Variants in CD36 observed in about 807,000 individuals in gnomAD.
CD36 encodes the protein CD36 molecule (CD36 blood group).
In CD36, 119 loss-of-function variants were observed where a neutral mutation model predicts 55.2. That is an observed-to-expected ratio of 2.15 (90% CI 1.86 to 2.51). CD36 has a LOEUF of 2.51. CD36 is among the 30% of genes most tolerant of loss of function. The pLI is 0.00. For synonymous variants in CD36, 186 were observed against 193.6 expected, an observed-to-expected ratio of 0.96 and a Z score of 0.33; for missense variants, 819 against 555.5, an observed-to-expected ratio of 1.47 and a Z score of -4.77.
chr7:80,658,876 T>C (rs1037820111), intron 4 of CD36, among the ~76,000 whole-genome samples: 1 of 152,214 alleles, frequency 6.6e-6, no homozygotes, highest in Non-Finnish European at 1.5e-5. Flanking sequence ...AGTTGACAGC[T>C]GATCTATATT....
intron 1 of CD36, among the ~76,000 whole-genome samples, chr7:80,645,737 T>A (rs142167277): frequency 6.6e-6 from 1 of 152,260 alleles, no homozygotes; most frequent in East Asian, 1.9e-4. Flanking sequence ...ATGAATCAAC[T>A]GCAAATGACA....
chr7:80,663,543 C>A (rs1219997602), intron 6 of CD36, among the ~76,000 whole-genome samples: 1 of 152,036 alleles, frequency 6.6e-6, no homozygotes, highest in Non-Finnish European at 1.5e-5. Context: ...TAAATATACT[C>A]CTCATTCCTC....
intron 1 of CD36, among the ~76,000 whole-genome samples, chr7:80,620,340 G>A (rs2115890649): frequency 6.6e-6 from 1 of 152,226 alleles, no homozygotes; most frequent in East Asian, 1.9e-4. Flanking sequence ...CAGGACTACC[G>A]ACAAGCTTCA....
intron 14 of CD36, among the ~76,000 whole-genome samples, chr7:80,674,693 C>G (rs1562830013): frequency 6.6e-6 from 1 of 152,048 alleles, no homozygotes; most frequent in African/African-American, 2.4e-5. Flanking sequence ...TCCATGCACT[C>G]TTAAAGATGA....
At position 80,666,427 on chromosome 7, in the gene CD36, CT is replaced by C; in HGVS notation, c.702-11del. ...TTAAATAAGAATGTTTATTCATTGT[CT>C]TTTTCTATTCCTAGGAATCTGTCCT... On this transcript the variant is annotated splice_polypyrimidine_tract_variant and intron_variant, in intron 7 of 14. Transcript: ENST00000447544. 1 of 1,550,580 alleles carries C rather than the reference CT, an allele frequency of 6.4e-7. No individual in the cohort carries two copies. Among genetic ancestry groups the C allele is most frequent in the Non-Finnish European group, 8.9e-7 (1 of 1,123,224 alleles).
At position 80,664,453 on chromosome 7, in the gene CD36, TAACATAAGTA is replaced by T. The variant is rs778808650; in HGVS notation, c.660_669del (p.Asn220LysfsTer4). 3.3e-5 allele frequency: 52 copies of T among 1,583,102 alleles called. 1 individual carries two copies. In the Middle Eastern group the frequency reaches 1.7e-3, roughly 51 times the overall value. On this transcript the variant is annotated frameshift_variant, in exon 7 of 15. Transcript: ENST00000447544. LOFTEE classifies it high-confidence loss of function. Reference sequence around the variant, plus strand: ...TTTATAAAGTTTTCAATGGAAAAGATAACATAAGTAAAGTTGCCATAATCGACACATATAA... The same window carrying T: ...TTTATAAAGTTTTCAATGGAAAAGATAAGTTGCCATAATCGACACATATAA...
At chr7:80,666,885 CA>C (rs1362610889) in intron 8 of CD36, among the ~76,000 whole-genome samples, 1 of 151,928 alleles carries the variant, frequency 6.6e-6, no homozygotes, top group African/African-American at 2.4e-5. Flanking sequence ...AAATAGAAAA[CA>C]TATCTAAGCA....
intron 1 of CD36, among the ~76,000 whole-genome samples, chr7:80,645,315 C>T (rs182888019): frequency 1.1e-4 from 17 of 151,226 alleles, no homozygotes; most frequent in East Asian, 4.1e-4. Context: ...CCACCACGCC[C>T]GGCTCTCCCA....
At chr7:80,627,563 G>A (rs1188285657) in intron 1 of CD36, among the ~76,000 whole-genome samples, 3 of 151,516 alleles carry the variant, frequency 2.0e-5, no homozygotes, top group Non-Finnish European at 2.9e-5. Flanking sequence ...CTCTTATCAA[G>A]GGATCATGTG....
Position 80,629,192 on chromosome 7 carries a change from C to T in CD36, c.-183-16896C>T, listed in dbSNP as rs1035479718. 2.0e-5 allele frequency among the ~76,000 whole-genome samples: 3 copies of T among 152,012 alleles called. No homozygotes were observed. The East Asian group carries it at 5.8e-4, about 29-fold the overall frequency. On this transcript the variant is annotated intron_variant, in intron 1 of 13. Coordinates refer to the CD36 transcript ENST00000309881. ...CAGGTGGATCAGATTGCTGGCTCTTCTTAACTTTCTCTGCTCTCTCCTTAT... is the reference window on the plus strand; with the variant it reads ...CAGGTGGATCAGATTGCTGGCTCTTTTTAACTTTCTCTGCTCTCTCCTTAT...
chr7:80,607,459 A>C (rs543212082), intron 1 of CD36, among the ~76,000 whole-genome samples: 31 of 152,128 alleles, frequency 2.0e-4, no homozygotes, highest in Non-Finnish European at 4.4e-4. Flanking sequence ...GCACACTCTA[A>C]AACTAAGATC....
chr7:80,666,529 C>T, intron 8 of CD36, 40 bp downstream of exon 8: 3 of 1,449,244 alleles, frequency 2.1e-6, no homozygotes, highest in Non-Finnish European at 2.9e-6. Context: ...GTTAATCCAC[C>T]TCCCTTTCCC....
intron 9 of CD36, chr7:80,670,300 G>C: frequency 2.3e-6 from 1 of 431,398 alleles, no homozygotes; most frequent in South Asian, 2.2e-5. Context: ...AAGACATACA[G>C]AGAAGATGAT....
intron 8 of CD36, among the ~76,000 whole-genome samples, chr7:80,667,998 C>G (rs1023477953): frequency 3.9e-5 from 6 of 151,982 alleles, no homozygotes; most frequent in African/African-American, 1.4e-4. Context: ...CCGCCCCCCT[C>G]GGCCTCCCAA....
At chr7:80,669,385 A>C (rs962944569) in intron 8 of CD36, among the ~76,000 whole-genome samples, 3 of 152,154 alleles carry the variant, frequency 2.0e-5, no homozygotes, top group African/African-American at 4.8e-5. Context: ...AATATTTTAT[A>C]ATGGTTACAT....
chr7:80,622,938 C>T (rs1263400269), intron 1 of CD36, among the ~76,000 whole-genome samples: 2 of 151,694 alleles, frequency 1.3e-5, no homozygotes, highest in Admixed American at 6.6e-5. Flanking sequence ...ACCAAGAATG[C>T]TCTAAAATCT....
intron 3 of CD36, among the ~76,000 whole-genome samples, chr7:80,649,639 A>G (rs1473758499): frequency 6.6e-6 from 1 of 152,128 alleles, no homozygotes; most frequent in Admixed American, 6.6e-5. Flanking sequence ...CAGAGGTTTT[A>G]TAAGTGATGT....
intron 12 of CD36, 184 bp from the exon 13 acceptor site, chr7:80,673,171 A>T: frequency 3.8e-6 from 2 of 519,498 alleles, no homozygotes; most frequent in Non-Finnish European, 6.8e-6. Flanking sequence ...AAAAAAAATC[A>T]ATGTGATTAG....
At position 80,672,746 on chromosome 7, in the gene CD36, ATTAT is replaced by A. The variant is rs772668411; in HGVS notation, c.1126-20_1126-17del. On this transcript the variant is annotated intron_variant, in intron 11 of 14. Transcript: ENST00000447544. ...AAAATAATGTTTTTAAAAGTTGGTAATTATTTAGTTGTTCTCTTTTTAGATAACT... is the reference window on the plus strand; with the variant it reads ...AAAATAATGTTTTTAAAAGTTGGTAATTAGTTGTTCTCTTTTTAGATAACT... 1.4e-5 allele frequency: 21 copies of A among 1,526,192 alleles called. No individual in the cohort carries two copies. The Admixed American group carries it at 3.2e-4, about 23-fold the overall frequency. The allele number at this position is 1,526,192 out of a possible 1,614,324, so 94.5% of individuals were successfully genotyped here.
Sources: gnomAD v4.1 joint callset for allele counts (sites outside exome capture counted in the v4.1 genomes callset) on GRCh38, gnomAD v4.1.1 for gene constraint, MANE v1.5 for transcripts, NCBI Gene and HGNC (gene_info 2026-07-23, HGNC 2026-07-21) for gene names.